The following SRGAP3 variants were observed in gnomAD, a reference collection of about 807,000 sequenced individuals.
SRGAP3 encodes the protein SLIT-ROBO Rho GTPase activating protein 3, also known as SLIT-ROBO Rho GTPase-activating protein 3.
In SRGAP3, 39 loss-of-function variants were observed where a neutral mutation model predicts 121.1. That is an observed-to-expected ratio of 0.32 (90% confidence interval 0.25 to 0.42). The LOEUF (loss-of-function observed/expected upper bound fraction) is 0.42. SRGAP3 is among the 10% of genes least tolerant of loss of function. The pLI is 1.00. For synonymous variants in SRGAP3, 601 were observed against 570.0 expected (o/e 1.05, Z -0.77); for missense variants, 1,213 against 1,470.6 (o/e 0.82, Z 2.86).
intron 1 of SRGAP3, among the ~76,000 whole-genome samples, chr3:9,168,975 G>C (rs560627249): frequency 6.4e-4 from 98 of 152,344 alleles, no homozygotes; most frequent in Non-Finnish European, 1.1e-3. Flanking sequence ...TCTGCACCCA[G>C]GTGAGAGCAA....
At chr3:8,990,239 A>G (rs1941955350) in intron 21 of SRGAP3, among the ~76,000 whole-genome samples, 1 of 152,232 alleles carries the variant, frequency 6.6e-6, no homozygotes, top group Non-Finnish European at 1.5e-5. Flanking sequence ...GTGACCTGCC[A>G]TTACCCCAGC....
At chr3:9,136,208 C>T (rs1246877431) in intron 1 of SRGAP3, among the ~76,000 whole-genome samples, 6 of 152,204 alleles carry the variant, frequency 3.9e-5, no homozygotes, top group African/African-American at 1.2e-4. Flanking sequence ...ACAAAAGACT[C>T]GTGCGCTGCC....
In SRGAP3 at chr3:8,981,796, A is replaced by G. The variant is rs1378182448; in HGVS notation, c.*3723T>C. ...TGTCTCTTCCCACTCCGATTTCTTC[A>G]TTGAATAGAAACCTTTCATCCCTTG... On this transcript the variant is annotated 3_prime_UTR_variant, in exon 22 of 22. Coordinates refer to ENST00000383836, the MANE Select transcript of SRGAP3 (RefSeq NM_014850.4). The G allele has an allele frequency of 8.7e-6, 2 of 229,328 alleles. No individual in the cohort carries two copies. Among genetic ancestry groups the G allele is most frequent in the Non-Finnish European group, 1.7e-5 (2 of 115,526 alleles). The allele number at this position is 229,328 out of a possible 1,614,324, so 14.2% of individuals were successfully genotyped here.
At chr3:9,241,311 G>A (rs1374270732) in intron 1 of SRGAP3, among the ~76,000 whole-genome samples, 1 of 152,120 alleles carries the variant, frequency 6.6e-6, no homozygotes, top group Non-Finnish European at 1.5e-5. Flanking sequence ...CAAAGTCACT[G>A]AATGAATGAA....
At position 9,249,508 on chromosome 3, in the gene SRGAP3, T is replaced by G. The variant is rs1953945897; in HGVS notation, c.-557A>C. 1 of 243,340 alleles carries G rather than the reference T, an allele frequency of 4.1e-6. No homozygotes were observed. The allele number at this position is 243,340 out of a possible 1,614,324, so 15.1% of individuals were successfully genotyped here. A position where few individuals can be genotyped will look rare whatever the true frequency, so the allele number is the denominator to read the frequency against. On this transcript the variant is annotated 5_prime_UTR_variant, in exon 1 of 22. Transcript: ENST00000383836. ...GGCTCTGCTAAGTCGATGGTCAGGT[T>G]GCCAAAGGGCCGGTCATCTCGCATC...
chr3:9,312,883 T>C (rs2125279117), intron 3 of SRGAP3, among the ~76,000 whole-genome samples: 1 of 152,220 alleles, frequency 6.6e-6, no homozygotes, highest in Middle Eastern at 3.4e-3. Flanking sequence ...TCCTAGCTAT[T>C]AAGGAGACTG....
chr3:9,242,572 T>C (rs938721347), intron 1 of SRGAP3, among the ~76,000 whole-genome samples: 2 of 152,100 alleles, frequency 1.3e-5, no homozygotes, highest in Non-Finnish European at 1.5e-5. Context: ...AAGGTGGAGG[T>C]TGCAGTGAGC....
At chr3:9,302,916 A>T (rs1393919608) in intron 3 of SRGAP3, among the ~76,000 whole-genome samples, 1 of 151,938 alleles carries the variant, frequency 6.6e-6, no homozygotes, top group Non-Finnish European at 1.5e-5. Flanking sequence ...GGCAACGAAG[A>T]TAATACTTAA....
At chr3:9,073,370 C>T (rs1393123885) in intron 4 of SRGAP3, among the ~76,000 whole-genome samples, 1 of 152,248 alleles carries the variant, frequency 6.6e-6, no homozygotes, top group Non-Finnish European at 1.5e-5. Context: ...GTCTTGAACT[C>T]CTAGGCTCAA....
intron 11 of SRGAP3, chr3:9,033,766 A>C (rs1385433561): frequency 6.6e-6 from 1 of 152,188 alleles, no homozygotes; most frequent in East Asian, 1.9e-4. Context: ...CCATTATTAT[A>C]CTTAATACCA....
chr3:9,065,484 C>T (rs1946386035), intron 4 of SRGAP3: 2 of 152,176 alleles, frequency 1.3e-5, no homozygotes, highest in South Asian at 4.1e-4. Flanking sequence ...CCCTCATGGC[C>T]CTTTGCAGCC....
At chr3:9,136,192 C>T (rs1949640943) in intron 1 of SRGAP3, among the ~76,000 whole-genome samples, 2 of 152,188 alleles carry the variant, frequency 1.3e-5, no homozygotes, top group Admixed American at 6.5e-5. Flanking sequence ...CTTCTCTAGG[C>T]CCTGCACAAA....
chr3:9,019,891 A>C (rs748313950), intron 14 of SRGAP3, among the ~76,000 whole-genome samples: 1 of 152,236 alleles, frequency 6.6e-6, no homozygotes, highest in African/African-American at 2.4e-5. Context: ...TTCCCACTGG[A>C]GGACGTGAGA....
At chr3:9,079,242 T>C (rs1402226868) in intron 4 of SRGAP3, among the ~76,000 whole-genome samples, 1 of 152,182 alleles carries the variant, frequency 6.6e-6, no homozygotes, top group Non-Finnish European at 1.5e-5. Context: ...TTCTCTGTTC[T>C]GATTGGGTAG....
intron 3 of SRGAP3, among the ~76,000 whole-genome samples, chr3:9,280,759 C>G (rs1362710968): frequency 6.6e-6 from 1 of 152,216 alleles, no homozygotes; most frequent in East Asian, 1.9e-4. Flanking sequence ...TGCTTTCTCT[C>G]CAATCTGATT....
chr3:9,021,089 C>T (rs539488619), intron 14 of SRGAP3, among the ~76,000 whole-genome samples: 1 of 152,338 alleles, frequency 6.6e-6, no homozygotes, highest in South Asian at 2.1e-4. Flanking sequence ...CCTCGAGCCC[C>T]TCGACATGAC....
chr3:9,000,533 T>A (rs1942692390), intron 18 of SRGAP3, among the ~76,000 whole-genome samples: 1 of 152,194 alleles, frequency 6.6e-6, no homozygotes, highest in Non-Finnish European at 1.5e-5. Context: ...TGACTTCAGT[T>A]GCAACAGAGC....
At chr3:9,138,003 TGAGAA>T (rs1949724844) in intron 1 of SRGAP3, among the ~76,000 whole-genome samples, 2 of 152,332 alleles carry the variant, frequency 1.3e-5, no homozygotes, top group Admixed American at 1.3e-4. Flanking sequence ...TCCATTTAAA[TGAGAA>T]GAGATCAGGA....
intron 3 of SRGAP3, among the ~76,000 whole-genome samples, chr3:9,299,293 G>A (rs148888964): frequency 1.6e-4 from 24 of 146,954 alleles, no homozygotes; most frequent in Admixed American, 5.4e-4. Context: ...CTCGAGAGGC[G>A]GAGACTGCAG....
Sources: allele counts gnomAD v4.1 joint callset (sites outside exome capture counted in the v4.1 genomes callset), GRCh38; gene constraint gnomAD v4.1.1; transcripts MANE v1.5; gene names NCBI Gene and HGNC (gene_info 2026-07-23, HGNC 2026-07-21).